The following CORO7 variants were observed in gnomAD, a reference collection of about 807,000 sequenced individuals.
CORO7 encodes the protein coronin-7.
A neutral mutation model predicts 126.6 loss-of-function variants in CORO7; 107 were observed. That is an observed-to-expected ratio of 0.85 (90% CI 0.72 to 0.99). The LOEUF (loss-of-function observed/expected upper bound fraction) is 0.99. CORO7 is among the 50% of genes least tolerant of loss of function. The probability of loss-of-function intolerance (pLI) is 0.00; values close to 1 mark genes in which losing one functional copy is unlikely to be tolerated. For synonymous variants in CORO7, 603 were observed against 536.8 expected (o/e 1.12, Z -1.70); for missense variants, 1,314 against 1,255.8 (o/e 1.05, Z -0.70).
In CORO7 at chr16:4,407,666, G is replaced by A. The variant is rs145512278; in HGVS notation, c.322C>T (p.Pro108Ser). 11 of 1,594,278 alleles carry A rather than the reference G, an allele frequency of 6.9e-6. No individual in the cohort carries two copies. Among genetic ancestry groups the A allele is most frequent in the Non-Finnish European group, 9.4e-6 (11 of 1,171,798 alleles). ...GAGGGCAGGGCCTGGCCAGGCCCTG[G>A]CAGTCGCCAGAGTTTTACCTGCAAG... is the stretch of plus-strand genomic sequence containing the variant. Reference protein sequence around the residue: ...ADRTVKLWRLPGPGQALPSAP... With the variant: ...ADRTVKLWRLSGPGQALPSAP... Residue 108 changes from proline (P) to serine (S), a missense_variant, in exon 5 of 28, where the codon CCA becomes TCA. Coordinates refer to ENST00000251166, the MANE Select transcript of CORO7 (RefSeq NM_024535.5).
rs1326746449 is a variant in CORO7, at chr16:4,399,160, C to T, written c.565-3821G>A. On this transcript the variant is annotated intron_variant, in intron 6 of 27. Coordinates refer to ENST00000251166, the MANE Select transcript of CORO7 (RefSeq NM_024535.5). The stretch of plus-strand genomic sequence containing the variant: ...GGTACATATCCAAAAGAACTGAAAG[C>T]AGGCCATGAAGAGATATTTGCACAC... Among the ~76,000 whole-genome samples the T allele has an allele frequency of 2.6e-5, 4 of 152,136 alleles. No individual in the cohort carries two copies. The South Asian group carries it at 6.2e-4, about 24-fold the overall frequency.
At chr16:4,355,418 C>G in intron 26 of CORO7, 46 bp from the exon 27 acceptor site, 1 of 1,574,374 alleles carries the variant, frequency 6.4e-7, no homozygotes, top group Non-Finnish European at 8.6e-7. Context: ...ATAGGACTCC[C>G]TGTTCCCTCT....
chr16:4,382,683 G>T, intron 9 of CORO7: 1 of 1,546,562 alleles, frequency 6.5e-7, no homozygotes, highest in South Asian at 1.2e-5. Flanking sequence ...TGCGGCGGGG[G>T]CGGGCCATGG....
Position 4,361,011 on chromosome 16 carries a change from G to C in CORO7, c.1849C>G (p.Leu617Val), listed in dbSNP as rs751931461. Reference sequence around the variant, plus strand: ...TGAAGGTCCCAGATGCGAACAGTGAGGTCATAGGAGGACGAGGCCAGCACA... The same window carrying C: ...TGAAGGTCCCAGATGCGAACAGTGACGTCATAGGAGGACGAGGCCAGCACA... ...ANVLASSSYDLTVRIWDLQAG... is the reference protein window; with the variant it reads ...ANVLASSSYDVTVRIWDLQAG... The change falls in exon 19 of 28, where the codon CTC becomes GTC. Residue 617 changes from leucine (L) to valine (V), a missense_variant. By Grantham distance (32) the Leu-to-Val change is conservative. Transcript: ENST00000251166. 4.3e-6 allele frequency: 7 copies of C among 1,613,146 alleles called. No individual in the cohort carries two copies. Among genetic ancestry groups the C allele is most frequent in the Non-Finnish European group, 5.9e-6 (7 of 1,180,022 alleles).
chr16:4,381,093 T>G (rs1463671307), intron 9 of CORO7: 2 of 1,608,010 alleles, frequency 1.2e-6, no homozygotes, highest in African/African-American at 2.7e-5. Flanking sequence ...CAGGCAGCTT[T>G]GCCGGCCTGC....
intron 9 of CORO7, among the ~76,000 whole-genome samples, chr16:4,377,524 G>C (rs1345456988): frequency 6.6e-6 from 1 of 152,218 alleles, no homozygotes; most frequent in African/African-American, 2.4e-5. Context: ...CAACTCCAGA[G>C]GGTGAGGGGG....
Position 4,355,010 on chromosome 16 carries a change from A to G in CORO7, c.*148T>C. The G allele has an allele frequency of 1.2e-6, 1 of 817,210 alleles. No individual in the cohort carries two copies. Among genetic ancestry groups the G allele is most frequent in the Non-Finnish European group, 1.8e-6 (1 of 555,668 alleles). The allele number at this position is 817,210 out of a possible 1,614,324, so 50.6% of individuals were successfully genotyped here. On this transcript the variant is annotated 3_prime_UTR_variant, in exon 28 of 28. Transcript: ENST00000251166. ...AGTCCCTGGGAACTGCCAGAGGCCC[A>G]GAGGATGTGGAAGTGCCCACGGGAA...
chr16:4,357,765 G>GTGTT, intron 25 of CORO7: 1 of 837,624 alleles, frequency 1.2e-6, no homozygotes, highest in African/African-American at 1.7e-5. Flanking sequence ...GTGTGTGTGT[G>GTGTT]TTAGGGGTGG....
At chr16:4,366,057 C>T (rs750397955) in intron 9 of CORO7, among the ~76,000 whole-genome samples, 10 of 152,324 alleles carry the variant, frequency 6.6e-5, no homozygotes, top group African/African-American at 9.6e-5. Context: ...AGTTACCCCA[C>T]GTTTCCTGTG....
intron 6 of CORO7, among the ~76,000 whole-genome samples, chr16:4,396,614 TG>T (rs1193085525): frequency 6.6e-6 from 1 of 152,214 alleles, no homozygotes; most frequent in Non-Finnish European, 1.5e-5. Flanking sequence ...AGATGGGGGC[TG>T]GTTAACTTTT....
intron 6 of CORO7, among the ~76,000 whole-genome samples, chr16:4,405,194 G>A (rs1223467367): frequency 1.3e-5 from 2 of 152,228 alleles, no homozygotes; most frequent in African/African-American, 2.4e-5. Context: ...AAAGGCTGGC[G>A]GTTCAGACAG....
intron 9 of CORO7, among the ~76,000 whole-genome samples, chr16:4,370,821 C>CG (rs891602491): frequency 6.6e-6 from 1 of 152,088 alleles, no homozygotes; most frequent in Non-Finnish European, 1.5e-5. Context: ...TTCAGGCCCC[C>CG]CAAAGACTAG....
At chr16:4,398,858 C>A (rs1286987220) in intron 6 of CORO7, among the ~76,000 whole-genome samples, 1 of 151,448 alleles carries the variant, frequency 6.6e-6, no homozygotes, top group Non-Finnish European at 1.5e-5. Context: ...TTCCCAGCTA[C>A]TGGGGAGGCT....
intron 7 of CORO7, among the ~76,000 whole-genome samples, chr16:4,390,762 T>C (rs1381715662): frequency 2.0e-5 from 3 of 152,210 alleles, no homozygotes; most frequent in Non-Finnish European, 4.4e-5. Context: ...TGGTGCAAAG[T>C]GGCTTGGCCC....
chr16:4,382,613 C>T (rs757420411), intron 9 of CORO7: 20 of 1,584,958 alleles, frequency 1.3e-5, no homozygotes, highest in Middle Eastern at 3.3e-4. Context: ...CTCCTCATTG[C>T]GCCCGCCCTG....
Position 4,382,191 on chromosome 16 carries a change from C to T in CORO7, c.785+5795G>A, listed in dbSNP as rs201053746. The T allele has an allele frequency of 3.7e-6, 6 of 1,601,100 alleles. No individual in the cohort carries two copies. The East Asian group carries it at 1.4e-4, about 36-fold the overall frequency. On this transcript the variant is annotated intron_variant, in intron 9 of 27. Transcript: ENST00000251166. Reference sequence around the variant, plus strand: ...GCTTGTGCCCCGAAGGCTTCACGGGCCTGTACTGTGAGAGCCAGATGGGGC... The same window carrying T: ...GCTTGTGCCCCGAAGGCTTCACGGGTCTGTACTGTGAGAGCCAGATGGGGC...
At chr16:4,403,773 G>A (rs1246915114) in intron 6 of CORO7, among the ~76,000 whole-genome samples, 2 of 152,184 alleles carry the variant, frequency 1.3e-5, no homozygotes, top group African/African-American at 4.8e-5. Flanking sequence ...GTGACAGAGG[G>A]GCAGAGACAG....
chr16:4,382,332 G>A lies in CORO7; in HGVS notation c.785+5654C>T, dbSNP rs745710963. The A allele has an allele frequency of 8.7e-6, 14 of 1,611,252 alleles. No homozygotes were observed. In the Admixed American group the frequency reaches 2.2e-4, roughly 25 times the overall value. ...GCGTGGGGCTGCAGCGCTACCTCCAGGGGAGCTCCGTGCAGCTCAGGAGCC... is the reference window on the plus strand; with the variant it reads ...GCGTGGGGCTGCAGCGCTACCTCCAAGGGAGCTCCGTGCAGCTCAGGAGCC... On this transcript the variant is annotated intron_variant, in intron 9 of 27. Transcript: ENST00000251166.
intron 14 of CORO7, 98 bp downstream of exon 14, chr16:4,364,177 CA>C: frequency 7.2e-7 from 1 of 1,380,388 alleles, no homozygotes. Context: ...CAGAGTGAGA[CA>C]CTGTCTCAAA....
Sources: allele counts gnomAD v4.1 joint callset (sites outside exome capture counted in the v4.1 genomes callset), GRCh38; gene constraint gnomAD v4.1.1; transcripts MANE v1.5; gene names NCBI Gene and HGNC (gene_info 2026-07-23, HGNC 2026-07-21).